ZNF382: variants seen among roughly 807,000 people sequenced by gnomAD.
The protein encoded by ZNF382 is KRAB/zinc finger suppressor protein 1.
ZNF382 carries 20 observed loss-of-function variants against 38.8 expected under a neutral mutation model. That is an observed-to-expected ratio of 0.51 (90% CI 0.36 to 0.75). ZNF382 has a LOEUF of 0.75. ZNF382 is among the 30% of genes least tolerant of loss of function. The probability of loss-of-function intolerance (pLI) is 0.00; values close to 1 mark genes in which losing one functional copy is unlikely to be tolerated. For missense variants in ZNF382, 546 were observed against 654.1 expected (o/e 0.83, Z 1.80); for synonymous variants, 202 against 223.1 (o/e 0.91, Z 0.84).
At chr19:36,610,535 T>C in intron 3 of ZNF382, 115 bp from the exon 4 acceptor site, 1 of 685,006 alleles carries the variant, frequency 1.5e-6, no homozygotes, top group Non-Finnish European at 2.5e-6. Flanking sequence ...GGTATTAACT[T>C]TGGTAAGACA....
At chr19:36,620,979 G>A (rs2037164315) in intron 4 of ZNF382, among the ~76,000 whole-genome samples, 1 of 151,792 alleles carries the variant, frequency 6.6e-6, no homozygotes, top group Non-Finnish European at 1.5e-5. Flanking sequence ...GGTTGGTCTC[G>A]AACTCCTGGT....
rs2037263865 is a variant in ZNF382, at chr19:36,633,133, G to A, written c.*5583G>A. The A allele has an allele frequency of 6.6e-6, 1 of 151,926 alleles. No homozygotes were observed. Among genetic ancestry groups the A allele is most frequent in the South Asian group, 2.1e-4 (1 of 4,814 alleles). 9.4% of individuals were successfully genotyped at this position (151,926 alleles called of 1,614,324 possible). On this transcript the variant is annotated 3_prime_UTR_variant, in exon 5 of 5. Coordinates refer to ENST00000292928, the MANE Select transcript of ZNF382 (RefSeq NM_032825.5). ...GGCTCACTGTAAGCTCCGCCTCCTG[G>A]GTTCACACCATTGTCCTGCCTCAGC...
intron 4 of ZNF382, among the ~76,000 whole-genome samples, chr19:36,623,673 A>C (rs1439548672): frequency 2.0e-5 from 3 of 152,154 alleles, no homozygotes; most frequent in African/African-American, 7.2e-5. Context: ...ACACACCTGT[A>C]GTCCCAGCTA....
At chr19:36,612,041 T>G (rs2037081635) in intron 4 of ZNF382, among the ~76,000 whole-genome samples, 1 of 152,276 alleles carries the variant, frequency 6.6e-6, no homozygotes, top group African/African-American at 2.4e-5. Context: ...AGATGTAAAG[T>G]GTAAAGTTCT....
chr19:36,627,282 A>G lies in ZNF382; in HGVS notation c.1385A>G (p.Lys462Arg), dbSNP rs377130465. 1.2e-6 allele frequency: 2 copies of G among 1,613,640 alleles called. No homozygotes were observed. The highest frequency in any genetic ancestry group is 1.3e-5 in the African/African-American group (1 of 74,762). ...TLHQRIHTGE[K>R]PYICNECGKS... is the part of the protein sequence containing the mutation. ...CACCAGAGAATTCACACGGGGGAAA[A>G]ACCCTATATTTGTAATGAATGTGGG... Residue 462 changes from lysine (K) to arginine (R), a missense_variant, in exon 5 of 5, where the codon AAA becomes AGA. By Grantham distance (26) the Lys-to-Arg change is conservative. Coordinates refer to ENST00000292928, the MANE Select transcript of ZNF382 (RefSeq NM_032825.5).
Position 36,626,571 on chromosome 19 carries a change from G to T in ZNF382, c.674G>T (p.Gly225Val), listed in dbSNP as rs1407584682. 1.2e-6 allele frequency: 2 copies of T among 1,613,736 alleles called. No homozygotes were observed. Among genetic ancestry groups the T allele is most frequent in the Non-Finnish European group, 1.7e-6 (2 of 1,179,974 alleles). ...NECEKSFLMK[G>V]MLFTHTRAHR... The stretch of plus-strand genomic sequence containing the variant: ...TGTGAAAAATCCTTCCTGATGAAAG[G>T]AATGCTATTTACACATACTAGAGCT... Residue 225 changes from glycine (G) to valine (V), a missense_variant, in exon 5 of 5, where the codon GGA becomes GTA. By Grantham distance (109) the Gly-to-Val change is moderately radical. Transcript: ENST00000292928.
rs778126680 is a variant in ZNF382 at position 36,627,334 on chromosome 19, C to T, written c.1437C>T (p.Leu479=). Residue 479 remains leucine (L), a synonymous_variant, in exon 5 of 5, where the codon CTC becomes CTT. Transcript: ENST00000292928. ...CGKSFRQKAI[L]TVHHRIHTGE... Reference sequence around the variant, plus strand: ...AGTCCTTCCGCCAGAAGGCAATCCTCACTGTTCATCACAGAATACATACAG... The same window carrying T: ...AGTCCTTCCGCCAGAAGGCAATCCTTACTGTTCATCACAGAATACATACAG... 1 of 1,614,088 alleles carries T rather than the reference C, an allele frequency of 6.2e-7. No individual in the cohort carries two copies. Among genetic ancestry groups the T allele is most frequent in the Non-Finnish European group, 8.5e-7 (1 of 1,180,054 alleles).
At chr19:36,611,695 T>G (rs2145315536) in intron 4 of ZNF382, among the ~76,000 whole-genome samples, 1 of 152,274 alleles carries the variant, frequency 6.6e-6, no homozygotes, top group South Asian at 2.1e-4. Flanking sequence ...GTGGTAATTC[T>G]GTGTTTATAT....
chr19:36,631,184 A>G lies in ZNF382; in HGVS notation c.*3634A>G, dbSNP rs919456910. ...CATGAGGCAGTGTCATGATCGTGCA[A>G]GCATCACAGAGTGCTGATACAAACC... is the stretch of plus-strand genomic sequence containing the variant. On this transcript the variant is annotated 3_prime_UTR_variant, in exon 5 of 5. Coordinates refer to ENST00000292928, the MANE Select transcript of ZNF382 (RefSeq NM_032825.5). 4.6e-5 allele frequency: 7 copies of G among 152,180 alleles called. No homozygotes were observed. The highest frequency in any genetic ancestry group is 7.3e-5 in the Non-Finnish European group (5 of 68,034). The allele number at this position is 152,180 out of a possible 1,614,324, so 9.4% of individuals were successfully genotyped here.
chr19:36,606,253 A>G (rs2037023966), intron 1 of ZNF382, among the ~76,000 whole-genome samples: 1 of 151,984 alleles, frequency 6.6e-6, no homozygotes, highest in African/African-American at 2.4e-5. Flanking sequence ...TGGAAACACC[A>G]TATTAACTAA....
At position 36,626,715 on chromosome 19, in the gene ZNF382, A is replaced by G. The variant is rs751323076; in HGVS notation, c.818A>G (p.Tyr273Cys). Residue 273 changes from tyrosine (Y) to cysteine (C), a missense_variant, in exon 5 of 5, where the codon TAT (tyrosine) becomes TGT (cysteine). Tyr to Cys is a radical substitution (Grantham distance 194). Coordinates refer to ENST00000292928, the MANE Select transcript of ZNF382 (RefSeq NM_032825.5). Reference sequence around the variant, plus strand: ...AAGAAGCCCTCTGCCTACAACAAATATGGGAAATTCCTCTGCAGAAAGCCT... The same window carrying G: ...AAGAAGCCCTCTGCCTACAACAAATGTGGGAAATTCCTCTGCAGAAAGCCT... ...MEKKPSAYNK[Y>C]GKFLCRKPVF... The G allele has an allele frequency of 1.2e-6, 2 of 1,614,094 alleles. No individual in the cohort carries two copies. The highest frequency in any genetic ancestry group is 3.3e-5 in the Admixed American group (2 of 60,026).
chr19:36,608,376 T>C (rs1312086809), intron 2 of ZNF382: 2 of 152,222 alleles, frequency 1.3e-5, no homozygotes, highest in African/African-American at 4.8e-5. Flanking sequence ...ATTTGTTATT[T>C]TCTTTTTAGT....
Position 36,627,710 on chromosome 19 carries a change from A to ACACAC in ZNF382, c.*160_*161insCACAC. 3.6e-6 allele frequency: 2 copies of ACACAC among 548,036 alleles called. No homozygotes were observed. The highest frequency in any genetic ancestry group is 3.3e-5 in the Admixed American group (1 of 29,890). 33.9% of individuals were successfully genotyped at this position (548,036 alleles called of 1,614,324 possible). On this transcript the variant is annotated 3_prime_UTR_variant, in exon 5 of 5. Coordinates refer to ENST00000292928, the MANE Select transcript of ZNF382 (RefSeq NM_032825.5). The stretch of plus-strand genomic sequence containing the variant: ...CACACACACACACACACACACACAC[A>ACACAC]AATATTATTAGACAAATTAGATGAC...
Position 36,634,101 on chromosome 19 carries a change from C to T in ZNF382, c.*6551C>T, listed in dbSNP as rs982797020. 2.0e-5 allele frequency: 3 copies of T among 152,122 alleles called. No individual in the cohort carries two copies. Among genetic ancestry groups the T allele is most frequent in the African/African-American group, 7.2e-5 (3 of 41,436 alleles). 9.4% of individuals were successfully genotyped at this position (152,122 alleles called of 1,614,324 possible). On this transcript the variant is annotated 3_prime_UTR_variant, in exon 5 of 5. Coordinates refer to ENST00000292928, the MANE Select transcript of ZNF382 (RefSeq NM_032825.5). ...AATTTTTTTAAATAAATAAAAATCC[C>T]TAGCTCTGCTTCATCAGCAGCAGTA...
At chr19:36,619,713 T>C (rs1270018799) in intron 4 of ZNF382, among the ~76,000 whole-genome samples, 1 of 150,214 alleles carries the variant, frequency 6.7e-6, no homozygotes. Flanking sequence ...GGTTACACTA[T>C]TCAGAAATTA....
chr19:36,616,270 G>C (rs551247176), intron 4 of ZNF382, among the ~76,000 whole-genome samples: 3 of 152,244 alleles, frequency 2.0e-5, no homozygotes, highest in African/African-American at 7.2e-5. Flanking sequence ...TATTCAGAAG[G>C]CTGAAGCAGG....
At chr19:36,607,488 AT>A in intron 1 of ZNF382, 63 bp from the exon 2 acceptor site, 2 of 970,740 alleles carry the variant, frequency 2.1e-6, no homozygotes, top group Non-Finnish European at 3.1e-6. Context: ...AACTGAGTTA[AT>A]TCTGGGAGTT....
Position 36,630,115 on chromosome 19 carries a change from T to C in ZNF382, c.*2565T>C, listed in dbSNP as rs1050907547. 7.9e-5 allele frequency: 12 copies of C among 152,170 alleles called. No individual in the cohort carries two copies. Among genetic ancestry groups the C allele is most frequent in the African/African-American group, 2.9e-4 (12 of 41,448 alleles). 9.4% of individuals were successfully genotyped at this position (152,170 alleles called of 1,614,324 possible). On this transcript the variant is annotated 3_prime_UTR_variant, in exon 5 of 5. Coordinates refer to ENST00000292928, the MANE Select transcript of ZNF382 (RefSeq NM_032825.5). ...ACAACTCAATTGAGGGGTCCATATATATTCTTTCTCATTTTCTGGCAGTAA... is the reference window on the plus strand; with the variant it reads ...ACAACTCAATTGAGGGGTCCATATACATTCTTTCTCATTTTCTGGCAGTAA...
intron 4 of ZNF382, among the ~76,000 whole-genome samples, chr19:36,622,408 T>C (rs1460892056): frequency 2.0e-5 from 3 of 152,124 alleles, no homozygotes; most frequent in African/African-American, 4.8e-5. Flanking sequence ...AGGAAAAGAT[T>C]GAAATCAATC....
Sources: allele counts gnomAD v4.1 joint callset (sites outside exome capture counted in the v4.1 genomes callset), GRCh38; gene constraint gnomAD v4.1.1; transcripts MANE v1.5; gene names NCBI Gene and HGNC (gene_info 2026-07-23, HGNC 2026-07-21).